The following PCDHGB3 variants were observed in gnomAD, a reference collection of about 807,000 sequenced individuals.
PCDHGB3 encodes the protein protocadherin gamma-B3.
Under a neutral mutation model 59.2 loss-of-function variants are expected in PCDHGB3, and 40 were observed. The ratio of observed to expected loss-of-function variants is 0.68; its 90% CI spans 0.52 to 0.88. The LOEUF (loss-of-function observed/expected upper bound fraction) is 0.88. Among genes scored for constraint, PCDHGB3 ranks in the 40% least tolerant of loss-of-function variants. The pLI is 0.00. For synonymous variants in PCDHGB3, 581 were observed against 503.6 expected (o/e 1.15, Z -2.06); for missense variants, 1,309 against 1,187.9 (o/e 1.10, Z -1.50).
In PCDHGB3 at chr5:141,512,517, A is replaced by G. The variant is rs985434754; in HGVS notation, c.*1344A>G. ...GTCCCCAGTGCGCCCCCTAGTGGCC[A>G]TAGCCTGGTTAAAGTTCCCCAGTGC... On this transcript the variant is annotated 3_prime_UTR_variant, in exon 4 of 4. Coordinates refer to ENST00000576222, the MANE Select transcript of PCDHGB3 (RefSeq NM_018924.5). 3 of 152,938 alleles carry G rather than the reference A, an allele frequency of 2.0e-5. No individual in the cohort carries two copies. Among genetic ancestry groups the G allele is most frequent in the African/African-American group, 7.2e-5 (3 of 41,464 alleles). 9.5% of individuals were successfully genotyped at this position (152,938 alleles called of 1,614,324 possible).
chr5:141,438,392 ATTAAC>A (rs1296512476), intron 1 of PCDHGB3, among the ~76,000 whole-genome samples: 3 of 151,714 alleles, frequency 2.0e-5, no homozygotes, highest in African/African-American at 7.3e-5. Context: ...TTAGTTCATC[ATTAAC>A]TCTCTGAAGT....
At chr5:141,409,876 C>G in intron 1 of PCDHGB3, 1 of 1,612,874 alleles carries the variant, frequency 6.2e-7, no homozygotes, top group East Asian at 2.2e-5. Flanking sequence ...GCAATGACAA[C>G]GCACCGCGGG....
chr5:141,477,268 C>A lies in PCDHGB3; in HGVS notation c.2416-17539C>A, dbSNP rs2099408532. On this transcript the variant is annotated intron_variant, in intron 1 of 3. Transcript: ENST00000576222. This position sits in a 1 kb window ranked among gnomAD's most constrained non-coding sequence, Gnocchi z 4.9. ...TGACTGACCTGGATGCTGGCGAGAA[C>A]GGGCTGGTGACCTGCGAAGTTCCAC... 1.2e-6 allele frequency: 2 copies of A among 1,614,078 alleles called. No individual in the cohort carries two copies. Among genetic ancestry groups the A allele is most frequent in the Non-Finnish European group, 1.7e-6 (2 of 1,180,038 alleles).
Position 141,511,908 on chromosome 5 carries a change from A to T in PCDHGB3, c.*735A>T, listed in dbSNP as rs528200582. The T allele has an allele frequency of 4.5e-5, 7 of 156,536 alleles. No homozygotes were observed. The highest frequency in any genetic ancestry group is 1.9e-4 in the East Asian group (1 of 5,250). The allele number at this position is 156,536 out of a possible 1,614,324, so 9.7% of individuals were successfully genotyped here. A position where few individuals can be genotyped will look rare whatever the true frequency, so the allele number is the denominator to read the frequency against. On this transcript the variant is annotated 3_prime_UTR_variant, in exon 4 of 4. Transcript: ENST00000576222. ...GACTTCCCCCACCTCCTCCTCAAAC[A>T]AGAGACTCCACTGCATGTTCCAAGA...
intron 1 of PCDHGB3, chr5:141,383,890 G>T: frequency 1.2e-6 from 2 of 1,613,936 alleles, no homozygotes; most frequent in East Asian, 2.2e-5. Context: ...TCTGACAAAG[G>T]CAAAAGTACT....
At chr5:141,421,320 G>C (rs1561793188) in intron 1 of PCDHGB3, 1 of 1,613,904 alleles carries the variant, frequency 6.2e-7, no homozygotes, top group East Asian at 2.2e-5. Flanking sequence ...GGGCCAGGCA[G>C]ATCCGATATT....
chr5:141,505,190 G>A (rs1326515866), intron 2 of PCDHGB3, among the ~76,000 whole-genome samples: 1 of 152,186 alleles, frequency 6.6e-6, no homozygotes, highest in East Asian at 1.9e-4. Flanking sequence ...ATCGGAGGCA[G>A]CAAAGAGCTG....
At chr5:141,403,056 T>A in intron 1 of PCDHGB3, 1 of 1,614,046 alleles carries the variant, frequency 6.2e-7, no homozygotes, top group Non-Finnish European at 8.5e-7. Flanking sequence ...CGCTACTCAG[T>A]GCCTGAAGAG....
intron 3 of PCDHGB3, among the ~76,000 whole-genome samples, chr5:141,506,300 T>G (rs2099852124): frequency 6.6e-6 from 1 of 151,976 alleles, no homozygotes; most frequent in East Asian, 1.9e-4. Flanking sequence ...AATACAAAAA[T>G]TAGCTGGGCA....
At chr5:141,438,091 C>T (rs964466012) in intron 1 of PCDHGB3, among the ~76,000 whole-genome samples, 1 of 152,098 alleles carries the variant, frequency 6.6e-6, no homozygotes, top group Admixed American at 6.6e-5. Flanking sequence ...TTACCAGTAA[C>T]AGGGCATACT....
rs775895766 is a variant in PCDHGB3, at chr5:141,384,987, G to T, written c.2415+12178G>T. On this transcript the variant is annotated intron_variant, in intron 1 of 3. Coordinates refer to ENST00000576222, the MANE Select transcript of PCDHGB3 (RefSeq NM_018924.5). ...ACCTCACGTTGTACCTGGTGGTGGC[G>T]GTGGCCACAGTCTCCTGCGTCTTCC... The T allele has an allele frequency of 3.7e-6, 6 of 1,613,996 alleles. No individual in the cohort carries two copies. The African/African-American group carries it at 6.7e-5, about 18-fold the overall frequency.
At chr5:141,424,723 T>A (rs2096836963) in intron 1 of PCDHGB3, 2 of 152,144 alleles carry the variant, frequency 1.3e-5, no homozygotes, top group African/African-American at 4.8e-5. Context: ...TAGTTGGGAG[T>A]CATAGATTCC....
chr5:141,499,721 G>GTC (rs1434016871), intron 2 of PCDHGB3, among the ~76,000 whole-genome samples: 69 of 135,416 alleles, frequency 5.1e-4, no homozygotes, highest in African/African-American at 1.9e-3. Flanking sequence ...TGGAGACAGA[G>GTC]TCTCACTCTC....
intron 1 of PCDHGB3, among the ~76,000 whole-genome samples, chr5:141,381,823 CTTCTT>C (rs1323470445): frequency 1.5e-4 from 15 of 101,616 alleles, no homozygotes; most frequent in African/African-American, 5.6e-4. Context: ...TTTCTTTCTT[CTTCTT>C]TTTTTTTTTT....
intron 1 of PCDHGB3, chr5:141,382,950 C>T: frequency 6.2e-7 from 1 of 1,600,458 alleles, no homozygotes; most frequent in African/African-American, 1.3e-5. Context: ...TCCTGCTCTC[C>T]ATCCTCCTGG....
At position 141,491,660 on chromosome 5, in the gene PCDHGB3, C is replaced by A; in HGVS notation, c.2416-3147C>A. ...ACAGCTCTGGCGCTGGAGCCTGACGCCATCCGGTCCCGCTCTAATACGCTG... is the reference window on the plus strand; with the variant it reads ...ACAGCTCTGGCGCTGGAGCCTGACGACATCCGGTCCCGCTCTAATACGCTG... On this transcript the variant is annotated intron_variant, in intron 1 of 3. Transcript: ENST00000576222. The surrounding 1 kb of genome is among the most constrained non-coding windows in gnomAD (Gnocchi z 6.9). The A allele has an allele frequency of 6.2e-7, 1 of 1,613,810 alleles. No individual in the cohort carries two copies. The highest frequency in any genetic ancestry group is 8.5e-7 in the Non-Finnish European group (1 of 1,180,008).
chr5:141,489,943 A>G lies in PCDHGB3; in HGVS notation c.2416-4864A>G. ...CCTTATCTCTGTCATCGTGCTGGAC[A>G]TCAATGATAATGCTCCAACCTTCCA... On this transcript the variant is annotated intron_variant, in intron 1 of 3. Transcript: ENST00000576222. The surrounding 1 kb of genome is among the most constrained non-coding windows in gnomAD (Gnocchi z 4.5). 5.6e-6 allele frequency: 9 copies of G among 1,614,190 alleles called. No homozygotes were observed. Among genetic ancestry groups the G allele is most frequent in the Non-Finnish European group, 7.6e-6 (9 of 1,180,016 alleles).
rs1342517284 is a variant in PCDHGB3 at position 141,383,674 on chromosome 5, A to G, written c.2415+10865A>G. ...TGTCCCCGAGAATGTGCCAGTGGGT[A>G]CAAGACTGCTCACGGTACATGCTAT... On this transcript the variant is annotated intron_variant, in intron 1 of 3. Coordinates refer to ENST00000576222, the MANE Select transcript of PCDHGB3 (RefSeq NM_018924.5). 9.3e-6 allele frequency: 15 copies of G among 1,614,034 alleles called. No individual in the cohort carries two copies. The East Asian group carries it at 3.3e-4, about 36-fold the overall frequency.
intron 1 of PCDHGB3, among the ~76,000 whole-genome samples, chr5:141,444,150 GGATT>G (rs2098419499): frequency 1.8e-5 from 2 of 114,014 alleles, no homozygotes; most frequent in Non-Finnish European, 1.7e-5. Flanking sequence ...TGTGTGTACT[GGATT>G]TTTTTTTTTT....
Sources: allele counts gnomAD v4.1 joint callset (sites outside exome capture counted in the v4.1 genomes callset), GRCh38; gene constraint gnomAD v4.1.1; non-coding constraint Gnocchi (gnomAD v3.1); transcripts MANE v1.5; gene names NCBI Gene and HGNC (gene_info 2026-07-23, HGNC 2026-07-21).